UBE2E2: variants seen among roughly 807,000 people sequenced by gnomAD.
The protein encoded by UBE2E2 is ubiquitin-conjugating enzyme E2 E2.
UBE2E2 carries 6 observed loss-of-function variants against 24.7 expected under a neutral mutation model. That is an observed-to-expected ratio of 0.24 (90% CI 0.13 to 0.48). The LOEUF is 0.48. UBE2E2 is among the 20% of genes least tolerant of loss of function. The probability of loss-of-function intolerance (pLI) is 0.99; values close to 1 mark genes in which losing one functional copy is unlikely to be tolerated. For synonymous variants in UBE2E2, 104 were observed against 83.6 expected, an observed-to-expected ratio of 1.24 and a Z score of -1.33; for missense variants, 169 against 245.0, an observed-to-expected ratio of 0.69 and a Z score of 2.07.
chr3:23,538,585 C>T (rs1695318334), intron 5 of UBE2E2, among the ~76,000 whole-genome samples: 2 of 152,090 alleles, frequency 1.3e-5, no homozygotes, highest in Non-Finnish European at 2.9e-5. Flanking sequence ...CGTCCCCTTC[C>T]CTCCCCTAAG....
intron 3 of UBE2E2, among the ~76,000 whole-genome samples, chr3:23,350,789 G>C (rs1355294147): frequency 6.6e-6 from 1 of 152,178 alleles, no homozygotes; most frequent in Non-Finnish European, 1.5e-5. Context: ...CGGGGAGAAA[G>C]GAACCAAGTG....
chr3:23,419,533 T>C (rs573799666), intron 3 of UBE2E2, among the ~76,000 whole-genome samples: 1 of 152,294 alleles, frequency 6.6e-6, no homozygotes, highest in Non-Finnish European at 1.5e-5. Context: ...CCACCAGAAT[T>C]ACCTGGGAAG....
chr3:23,256,282 A>G (rs1697718756), intron 3 of UBE2E2, among the ~76,000 whole-genome samples: 2 of 152,336 alleles, frequency 1.3e-5, no homozygotes, highest in Non-Finnish European at 1.5e-5. Context: ...GATATTTCTA[A>G]TTAAAATGAT....
intron 3 of UBE2E2, among the ~76,000 whole-genome samples, chr3:23,303,047 T>G (rs1371132349): frequency 6.6e-6 from 1 of 152,172 alleles, no homozygotes; most frequent in Non-Finnish European, 1.5e-5. Context: ...ATTGCTGGCA[T>G]TACCGCCTGA....
chr3:23,367,402 A>G (rs1696287814), intron 3 of UBE2E2, among the ~76,000 whole-genome samples: 2 of 152,060 alleles, frequency 1.3e-5, no homozygotes, highest in South Asian at 4.1e-4. Context: ...AGTCACACCA[A>G]CATCTGTGCT....
At chr3:23,436,107 C>T (rs1575627627) in intron 3 of UBE2E2, among the ~76,000 whole-genome samples, 1 of 152,136 alleles carries the variant, frequency 6.6e-6, no homozygotes, top group East Asian at 1.9e-4. Context: ...CCGCTCACCT[C>T]CTGCTGTGCG....
At chr3:23,315,247 C>A (rs1003453690) in intron 3 of UBE2E2, among the ~76,000 whole-genome samples, 3 of 151,834 alleles carry the variant, frequency 2.0e-5, no homozygotes, top group African/African-American at 7.3e-5. Flanking sequence ...CACAGGCCCA[C>A]GGGGAGTACT....
chr3:23,295,534 A>G (rs780172324), intron 3 of UBE2E2, among the ~76,000 whole-genome samples: 47 of 152,010 alleles, frequency 3.1e-4, no homozygotes, highest in Middle Eastern at 3.4e-3. Flanking sequence ...TCATGTGGGG[A>G]AAAAAATGTT....
intron 4 of UBE2E2, among the ~76,000 whole-genome samples, chr3:23,508,363 T>G (rs978569343): frequency 1.3e-5 from 2 of 152,250 alleles, no homozygotes; most frequent in Non-Finnish European, 2.9e-5. Flanking sequence ...TAAGCCAAAT[T>G]AAATATGCCT....
Position 23,561,633 on chromosome 3 carries a change from A to T in UBE2E2, c.509-28101A>T, listed in dbSNP as rs540237663. ...GAAAGTCATTGGTAGCTTGATGGGG[A>T]TGGCATTGAATCTATAAATTACCTT... On this transcript the variant is annotated intron_variant, in intron 5 of 5. Transcript: ENST00000396703. Among the ~76,000 whole-genome samples the T allele has an allele frequency of 5.3e-5, 8 of 151,342 alleles. No individual in the cohort carries two copies. In the South Asian group the frequency reaches 1.7e-3, roughly 32 times the overall value.
chr3:23,577,042 A>C (rs1252175455), intron 5 of UBE2E2, among the ~76,000 whole-genome samples: 1 of 151,984 alleles, frequency 6.6e-6, no homozygotes, highest in Non-Finnish European at 1.5e-5. Flanking sequence ...ACAATATTTC[A>C]AACTTTATTA....
chr3:23,452,876 G>C (rs1335549982), intron 3 of UBE2E2, among the ~76,000 whole-genome samples: 1 of 152,118 alleles, frequency 6.6e-6, no homozygotes. Flanking sequence ...CTTGAGTTCT[G>C]TTCTCCACAG....
chr3:23,567,297 G>T (rs969104310), intron 5 of UBE2E2, among the ~76,000 whole-genome samples: 1 of 152,168 alleles, frequency 6.6e-6, no homozygotes, highest in Non-Finnish European at 1.5e-5. Context: ...GCTGAGGCAG[G>T]GGTAGGGGAG....
At chr3:23,269,769 C>T (rs1698181933) in intron 3 of UBE2E2, among the ~76,000 whole-genome samples, 1 of 152,020 alleles carries the variant, frequency 6.6e-6, no homozygotes, top group Non-Finnish European at 1.5e-5. Context: ...GCAGGAAGGC[C>T]ATGACAATGG....
At chr3:23,396,276 G>A (rs60632986) in intron 3 of UBE2E2, among the ~76,000 whole-genome samples, 1 of 146,972 alleles carries the variant, frequency 6.8e-6, no homozygotes, top group Non-Finnish European at 1.5e-5. Flanking sequence ...CAAAGTTCTT[G>A]ACCTCATAGT....
At chr3:23,219,629 C>G (rs1230876087) in intron 3 of UBE2E2, among the ~76,000 whole-genome samples, 1 of 152,164 alleles carries the variant, frequency 6.6e-6, no homozygotes, top group Non-Finnish European at 1.5e-5. Flanking sequence ...TAATAGAAGT[C>G]AGAGTCCTTT....
At chr3:23,580,157 T>G (rs1336772340) in intron 5 of UBE2E2, among the ~76,000 whole-genome samples, 1 of 152,218 alleles carries the variant, frequency 6.6e-6, no homozygotes, top group African/African-American at 2.4e-5. Context: ...ATATTACATA[T>G]AAACTTAGCT....
chr3:23,524,557 A>T (rs116761305), intron 4 of UBE2E2, among the ~76,000 whole-genome samples: 1,679 of 152,238 alleles, frequency 0.011, 23 homozygotes, highest in African/African-American at 0.037. Context: ...AGTCCAGCTA[A>T]CTCCCAAACC....
intron 3 of UBE2E2, among the ~76,000 whole-genome samples, chr3:23,285,569 A>T (rs1244256311): frequency 6.6e-6 from 1 of 152,168 alleles, no homozygotes; most frequent in Non-Finnish European, 1.5e-5. Flanking sequence ...AAGTCATTTT[A>T]ACTGGGGTGA....
Sources: gnomAD v4.1 joint callset for allele counts (sites outside exome capture counted in the v4.1 genomes callset) on GRCh38, gnomAD v4.1.1 for gene constraint, MANE v1.5 for transcripts, NCBI Gene and HGNC (gene_info 2026-07-23, HGNC 2026-07-21) for gene names.